Variants in SVIL observed in about 807,000 individuals in gnomAD.
SVIL encodes the protein supervillin, also known as archvillin.
In SVIL, 101 loss-of-function variants were observed where a neutral mutation model predicts 240.4. That is an observed-to-expected ratio of 0.42 (90% confidence interval 0.36 to 0.50). SVIL has a LOEUF of 0.50. SVIL is among the 20% of genes least tolerant of loss of function. The probability of loss-of-function intolerance (pLI) is 0.01; values close to 1 mark genes in which losing one functional copy is unlikely to be tolerated. For missense variants in SVIL, 2,512 were observed against 2,818.7 expected (o/e 0.89, Z 2.46); for synonymous variants, 999 against 1,100.0 (o/e 0.91, Z 1.82).
At chr10:29,621,582 T>TTTCC (rs781063766) in intron 1 of SVIL, among the ~76,000 whole-genome samples, 23 of 152,224 alleles carry the variant, frequency 1.5e-4, no homozygotes, top group Admixed American at 3.9e-4. Flanking sequence ...TAACAGCCTC[T>TTTCC]TTCCTCAAAG....
At chr10:29,700,071 C>T (rs545169585) in intron 1 of SVIL, among the ~76,000 whole-genome samples, 2 of 152,290 alleles carry the variant, frequency 1.3e-5, no homozygotes, top group Non-Finnish European at 2.9e-5. Flanking sequence ...AGAGTAAAAA[C>T]ATAGACGAAA....
chr10:29,633,369 G>A (rs1958184016), intron 1 of SVIL, among the ~76,000 whole-genome samples: 1 of 152,084 alleles, frequency 6.6e-6, no homozygotes. Flanking sequence ...CTCAACAGGG[G>A]ATACCACCAG....
chr10:29,500,926 C>T (rs1488217057), intron 17 of SVIL, among the ~76,000 whole-genome samples: 5 of 152,068 alleles, frequency 3.3e-5, no homozygotes, highest in Admixed American at 2.6e-4. Flanking sequence ...TTTTCTTAAC[C>T]CCTGGAATGA....
intron 12 of SVIL, among the ~76,000 whole-genome samples, chr10:29,527,874 C>T (rs144216848): frequency 0.015 from 2,276 of 151,686 alleles, 69 homozygotes; most frequent in African/African-American, 0.05. Context: ...TACAGGCGTG[C>T]GCCACCATGC....
At chr10:29,495,720 A>AG (rs2132419756) in intron 18 of SVIL, among the ~76,000 whole-genome samples, 1 of 152,328 alleles carries the variant, frequency 6.6e-6, no homozygotes, top group South Asian at 2.1e-4. Context: ...GCGTGTTGGA[A>AG]GTCCTGTCCA....
At chr10:29,696,870 C>T (rs1386710872) in intron 1 of SVIL, among the ~76,000 whole-genome samples, 3 of 145,110 alleles carry the variant, frequency 2.1e-5, no homozygotes, top group African/African-American at 5.1e-5. Context: ...AGGTGAGGGG[C>T]GCCTCTGCCC....
At position 29,531,985 on chromosome 10, in the gene SVIL, C is replaced by T. The variant is rs78090468; in HGVS notation, c.2009+17G>A. On this transcript the variant is annotated intron_variant, in intron 9 of 37. Coordinates refer to ENST00000355867, the MANE Select transcript of SVIL (RefSeq NM_021738.3). ...GCCACGTTCCTGGATGAGGAAACTG[C>T]GCATACGCATGCCTACCTATCCGAT... 483 of 1,613,530 alleles carry T rather than the reference C, an allele frequency of 3.0e-4. 1 individual carries two copies. In the East Asian group the frequency reaches 4.5e-3, roughly 15 times the overall value.
intron 5 of SVIL, among the ~76,000 whole-genome samples, chr10:29,553,221 T>C (rs1048913449): frequency 1.3e-5 from 2 of 151,436 alleles, no homozygotes; most frequent in Non-Finnish European, 1.5e-5. Context: ...AGCAAACTGA[T>C]AACATCATAA....
chr10:29,731,212 G>A (rs1467937120), intron 1 of SVIL, among the ~76,000 whole-genome samples: 7 of 152,282 alleles, frequency 4.6e-5, no homozygotes, highest in African/African-American at 1.2e-4. Flanking sequence ...TCTGAACTGC[G>A]AGTCCATCCA....
rs3030628 is a variant in SVIL, at chr10:29,647,971, CAAAA to C, written c.-201+9994_-201+9997del. 2.4e-3 allele frequency among the ~76,000 whole-genome samples: 235 copies of C among 96,328 alleles called. 3 individuals are homozygous for C. The highest frequency in any genetic ancestry group is 8.9e-3 in the African/African-American group (224 of 25,146). The allele number at this position is 96,328 out of a possible 152,430, so 63.2% of individuals were successfully genotyped here. On this transcript the variant is annotated intron_variant, in intron 3 of 35. Transcript: ENST00000375400. ...GAAATGATTAAACTTTTGTCAATAT[CAAAA>C]AAAAAAAAAACAAAAAAAATCATTA...
At chr10:29,653,225 G>C (rs886264240) in intron 3 of SVIL, among the ~76,000 whole-genome samples, 2 of 152,116 alleles carry the variant, frequency 1.3e-5, no homozygotes, top group African/African-American at 4.8e-5. Flanking sequence ...ATTGGATCGT[G>C]GGGGCAAACT....
intron 3 of SVIL, among the ~76,000 whole-genome samples, chr10:29,556,525 A>C (rs545713701): frequency 6.6e-6 from 1 of 152,224 alleles, no homozygotes; most frequent in African/African-American, 2.4e-5. Flanking sequence ...ATTTATTTTT[A>C]AGTGATAGCC....
intron 35 of SVIL, among the ~76,000 whole-genome samples, chr10:29,463,057 A>G (rs987343498): frequency 6.6e-6 from 1 of 152,238 alleles, no homozygotes. Flanking sequence ...AATGAATAAT[A>G]AAAAGGTTGG....
intron 20 of SVIL, among the ~76,000 whole-genome samples, chr10:29,493,671 T>C (rs1299152534): frequency 2.6e-5 from 4 of 152,014 alleles, no homozygotes; most frequent in Non-Finnish European, 4.4e-5. Flanking sequence ...CTTGCTTCTG[T>C]TGAGGGTAGG....
At chr10:29,671,087 T>G (rs1373219492) in intron 2 of SVIL, 5 of 152,212 alleles carry the variant, frequency 3.3e-5, no homozygotes, top group African/African-American at 1.2e-4. Context: ...CGACTTCACT[T>G]TTCATCTATT....
rs1289884169 is a variant in SVIL, at chr10:29,480,556, C to G, written c.5358G>C (p.Lys1786Asn). Residue 1786 changes from lysine (K) to asparagine (N), a missense_variant, in exon 29 of 38, where the codon AAG becomes AAC. Transcript: ENST00000355867. ...HEGDAYVVKW[K>N]FMVSTAVGSR... ...ACTAACCTGCCGTGCTCACCATGAA[C>G]TTCCACTTGACCACATAGGCATCCC... 1 of 1,613,186 alleles carries G rather than the reference C, an allele frequency of 6.2e-7. No homozygotes were observed. The highest frequency in any genetic ancestry group is 2.2e-5 in the East Asian group (1 of 44,866).
At chr10:29,671,887 A>T (rs1469439629) in intron 2 of SVIL, among the ~76,000 whole-genome samples, 6 of 152,220 alleles carry the variant, frequency 3.9e-5, no homozygotes, top group Non-Finnish European at 7.3e-5. Context: ...TCTGTAAAAT[A>T]TTAATCCTTA....
At chr10:29,463,056 T>C (rs556667216) in intron 35 of SVIL, among the ~76,000 whole-genome samples, 1 of 152,308 alleles carries the variant, frequency 6.6e-6, no homozygotes, top group African/African-American at 2.4e-5. Flanking sequence ...TAATGAATAA[T>C]AAAAAGGTTG....
Position 29,473,981 on chromosome 10 carries a change from G to T in SVIL, c.5386C>A (p.Arg1796Ser). 6.2e-7 allele frequency: 1 copy of T among 1,613,256 alleles called. No homozygotes were observed. Residue 1796 changes from arginine to serine, a missense_variant, in exon 30 of 38, where the codon CGC (arginine) becomes AGC (serine). This residue lies in a region of SVIL where 797 missense variants were observed against 925.3 expected (regional missense o/e 0.86). Coordinates refer to ENST00000355867, the MANE Select transcript of SVIL (RefSeq NM_021738.3). ...CTCACCGAGTGCTCTCCCTTCTGGC[G>T]ACTTCCCACTGCAAACACAGAATGG... ...KFMVSTAVGS[R>S]QKGEHSVRAA... is the part of the protein sequence containing the mutation.
Sources: allele counts gnomAD v4.1 joint callset (sites outside exome capture counted in the v4.1 genomes callset), GRCh38; gene constraint gnomAD v4.1.1; regional missense constraint gnomAD v4.1.1; transcripts MANE v1.5; gene names NCBI Gene and HGNC (gene_info 2026-07-23, HGNC 2026-07-21).